The following ALKBH6 variants were observed in gnomAD, a reference collection of about 807,000 sequenced individuals.
ALKBH6 encodes the protein probable RNA/DNA demethylase ALKBH6.
Under a neutral mutation model 25.1 loss-of-function variants are expected in ALKBH6, and 20 were observed. The observed-to-expected ratio is 0.80, with a 90% CI of 0.56 to 1.16. The LOEUF is 1.16. Among genes scored for constraint, ALKBH6 ranks in the 50% most tolerant of loss-of-function variants. The pLI, the probability that ALKBH6 is intolerant of heterozygous loss-of-function variation, is 0.00. For synonymous variants in ALKBH6, 156 were observed against 147.5 expected (o/e 1.06, Z -0.42); for missense variants, 263 against 326.5 (o/e 0.81, Z 1.50).
rs369374215 is a variant in ALKBH6, at chr19:36,009,597, G to A, written c.454-44C>T. On this transcript the variant is annotated intron_variant, in intron 6 of 6. Coordinates refer to ENST00000378875, the MANE Select transcript of ALKBH6 (RefSeq NM_032878.5). ...GTCAGCAGGGCTCAAGAAGTCGGGG[G>A]GTGGGGGTGGGCGAGAGGTCGGTAG... The A allele has an allele frequency of 9.6e-6, 11 of 1,147,098 alleles. No homozygotes were observed. In the African/African-American group the frequency reaches 1.6e-4, roughly 17 times the overall value. The allele number at this position is 1,147,098 out of a possible 1,614,324, so 71.1% of individuals were successfully genotyped here. A position where few individuals can be genotyped will look rare whatever the true frequency, so the allele number is the denominator to read the frequency against.
At chr19:36,011,867 C>T in intron 3 of ALKBH6, 1 of 163,856 alleles carries the variant, frequency 6.1e-6, no homozygotes, top group Non-Finnish European at 1.3e-5. Context: ...GGGCAGATCA[C>T]TTGAGGTCAG....
At position 36,013,662 on chromosome 19, in the gene ALKBH6, A is replaced by G. The variant is rs1313067816; in HGVS notation, c.-25-240T>C. On this transcript the variant is annotated intron_variant, in intron 1 of 6. Transcript: ENST00000378875. The surrounding 1 kb of genome is among the most constrained non-coding windows in gnomAD (Gnocchi z 4.6). Reference sequence around the variant, plus strand: ...ACTCTGTCCACTAAGGGCCCATCCAACTACACATATGCCTTCTCAATCCTC... The same window carrying G: ...ACTCTGTCCACTAAGGGCCCATCCAGCTACACATATGCCTTCTCAATCCTC... The G allele has an allele frequency of 1.7e-5, 23 of 1,362,716 alleles. No individual in the cohort carries two copies. Among genetic ancestry groups the G allele is most frequent in the Admixed American group, 1.6e-4 (5 of 30,852 alleles). 84.4% of individuals were successfully genotyped at this position (1,362,716 alleles called of 1,614,324 possible).
At chr19:36,012,052 C>T (rs1968625105) in intron 3 of ALKBH6, 1 of 152,608 alleles carries the variant, frequency 6.6e-6, no homozygotes, top group African/African-American at 2.4e-5. Context: ...CCAAGCTACT[C>T]AGGAGACTGA....
At position 36,009,159 on chromosome 19, in the gene ALKBH6, G is replaced by T. The variant is rs1039900429; in HGVS notation, c.*131C>A. The T allele has an allele frequency of 1.7e-6, 2 of 1,184,814 alleles. No individual in the cohort carries two copies. The highest frequency in any genetic ancestry group is 3.2e-5 in the African/African-American group (2 of 63,228). The allele number at this position is 1,184,814 out of a possible 1,614,324, so 73.4% of individuals were successfully genotyped here. A position where few individuals can be genotyped will look rare whatever the true frequency, so the allele number is the denominator to read the frequency against. Reference sequence around the variant, plus strand: ...TTTATTTGGTATGGGGTCTTCTGTAGCTCACACAAAATTATTGGGAAAATA... The same window carrying T: ...TTTATTTGGTATGGGGTCTTCTGTATCTCACACAAAATTATTGGGAAAATA... On this transcript the variant is annotated 3_prime_UTR_variant, in exon 7 of 7. Transcript: ENST00000378875.
chr19:36,009,606 G>T, intron 6 of ALKBH6, 53 bp from the exon 7 acceptor site: 5 of 1,101,740 alleles, frequency 4.5e-6, no homozygotes, highest in South Asian at 4.5e-5. Context: ...GGGTGGGGGT[G>T]GGCGAGAGGT....
chr19:36,009,432 A>T lies in ALKBH6; in HGVS notation c.575T>A (p.Leu192Gln). ...ATTGGGCGGCGAGGAGGCGGCGTCC[A>T]GCGCGTCTACGCGGGCGGCGGCGAT... is the stretch of plus-strand genomic sequence containing the variant. ...HGIAAARVDA[L>Q]DAASSPPNAA... Residue 192 changes from leucine (L) to glutamine (Q), a missense_variant, in exon 7 of 7, where the codon CTG (leucine) becomes CAG (glutamine). This residue lies in a region of ALKBH6 where 148 missense variants were observed against 157.5 expected (regional missense o/e 0.94). Coordinates refer to ENST00000378875, the MANE Select transcript of ALKBH6 (RefSeq NM_032878.5). The T allele has an allele frequency of 1.6e-6, 2 of 1,245,454 alleles. No individual in the cohort carries two copies. The highest frequency in any genetic ancestry group is 7.3e-5 in the South Asian group (2 of 27,246). 77.2% of individuals were successfully genotyped at this position (1,245,454 alleles called of 1,614,324 possible).
Position 36,010,856 on chromosome 19 carries a change from T to A in ALKBH6, c.336+38A>T. Reference sequence around the variant, plus strand: ...CCCCTGCCCCAGCACAGCTCAGAAGTCTGAGTGGGGGGACACGGGCCGAGG... The same window carrying A: ...CCCCTGCCCCAGCACAGCTCAGAAGACTGAGTGGGGGGACACGGGCCGAGG... On this transcript the variant is annotated intron_variant, in intron 5 of 6. Transcript: ENST00000378875. The surrounding 1 kb of genome is among the most constrained non-coding windows in gnomAD (Gnocchi z 5.5). The A allele has an allele frequency of 6.2e-7, 1 of 1,610,672 alleles. No individual in the cohort carries two copies.
At chr19:36,009,822 G>A (rs79847376) in intron 6 of ALKBH6, among the ~76,000 whole-genome samples, 3,533 of 152,132 alleles carry the variant, frequency 0.023, 115 homozygotes, top group African/African-American at 0.08. Context: ...GTCAGCGGCC[G>A]GTGGGAGCTG....
chr19:36,010,592 G>A lies in ALKBH6; in HGVS notation c.428C>T (p.Pro143Leu). 1.2e-6 allele frequency: 2 copies of A among 1,613,986 alleles called. No homozygotes were observed. Among genetic ancestry groups the A allele is most frequent in the Non-Finnish European group, 1.7e-6 (2 of 1,179,908 alleles). Residue 143 changes from proline to leucine, a missense_variant, in exon 6 of 7, where the codon CCA (proline) becomes CTA (leucine). By Grantham distance (98) the Pro-to-Leu change is moderately conservative. Around this residue, in one of 3 missense-constraint regions of ALKBH6, gnomAD observed 148 missense variants for 157.5 expected, o/e 0.94. Coordinates refer to ENST00000378875, the MANE Select transcript of ALKBH6 (RefSeq NM_032878.5). This position sits in a 1 kb window ranked among gnomAD's most constrained non-coding sequence, Gnocchi z 5.5. ...CTGTTCTGTAGGGTCATCGTCCTCT[G>A]GCCGCCGCGGCTCGTAGAAGTCCAG... is the stretch of plus-strand genomic sequence containing the variant. Reference protein sequence around the residue: ...TVLDFYEPRRPEDDDPTEQPR... With the variant: ...TVLDFYEPRRLEDDDPTEQPR...
At position 36,009,133 on chromosome 19, in the gene ALKBH6, G is replaced by A. The variant is rs1273530745; in HGVS notation, c.*157C>T. On this transcript the variant is annotated 3_prime_UTR_variant, in exon 7 of 7. Transcript: ENST00000378875. Reference sequence around the variant, plus strand: ...TATAAAACCAAGGAAAGATTTTTTTGTTTATTTGGTATGGGGTCTTCTGTA... The same window carrying A: ...TATAAAACCAAGGAAAGATTTTTTTATTTATTTGGTATGGGGTCTTCTGTA... 2.6e-6 allele frequency: 3 copies of A among 1,172,502 alleles called. No individual in the cohort carries two copies. The highest frequency in any genetic ancestry group is 3.2e-6 in the Non-Finnish European group (3 of 933,774). 72.6% of individuals were successfully genotyped at this position (1,172,502 alleles called of 1,614,324 possible). A position where few individuals can be genotyped will look rare whatever the true frequency, so the allele number is the denominator to read the frequency against.
At position 36,009,295 on chromosome 19, in the gene ALKBH6, T is replaced by A; in HGVS notation, c.712A>T (p.Lys238Ter). 1 of 1,352,554 alleles carries A rather than the reference T, an allele frequency of 7.4e-7. No homozygotes were observed. Among genetic ancestry groups the A allele is most frequent in the Non-Finnish European group, 9.5e-7 (1 of 1,051,090 alleles). 83.8% of individuals were successfully genotyped at this position (1,352,554 alleles called of 1,614,324 possible). ...AGGGGTCCCGGCCCTGGCGGTCACT[T>A]GCCCAGCAGGAGGCCGGCGCGCAGC... ...RVLRAGLLLG[K>*] The change falls in exon 7 of 7, where the codon AAG (lysine) becomes TAG (stop). Residue 238 changes from lysine (K) to a stop codon, truncating the protein, a stop_gained. Coordinates refer to ENST00000378875, the MANE Select transcript of ALKBH6 (RefSeq NM_032878.5). LOFTEE classifies it high-confidence loss of function.
chr19:36,009,899 C>T (rs958591544), intron 6 of ALKBH6, among the ~76,000 whole-genome samples: 1 of 152,052 alleles, frequency 6.6e-6, no homozygotes, highest in South Asian at 2.1e-4. Flanking sequence ...CCAGGAAATA[C>T]AGGCAGAGCT....
Position 36,013,856 on chromosome 19 carries a change from A to C in ALKBH6, c.-26+319T>G. On this transcript the variant is annotated intron_variant, in intron 1 of 6. Transcript: ENST00000378875. This position sits in a 1 kb window ranked among gnomAD's most constrained non-coding sequence, Gnocchi z 4.6. Reference sequence around the variant, plus strand: ...CTCAGCGACCCCCGCCCCCCACCGAATCCCATTCTGTGCACTCCTGTGACC... The same window carrying C: ...CTCAGCGACCCCCGCCCCCCACCGACTCCCATTCTGTGCACTCCTGTGACC... 8 of 1,256,318 alleles carry C rather than the reference A, an allele frequency of 6.4e-6. No homozygotes were observed. Among genetic ancestry groups the C allele is most frequent in the African/African-American group, 3.2e-5 (2 of 63,332 alleles). The allele number at this position is 1,256,318 out of a possible 1,614,324, so 77.8% of individuals were successfully genotyped here.
Position 36,010,601 on chromosome 19 carries a change from G to T in ALKBH6, c.419C>A (p.Pro140Gln). Residue 140 changes from proline (P) to glutamine (Q), a missense_variant, in exon 6 of 7, where the codon CCG becomes CAG. Pro to Gln is a moderately conservative substitution (Grantham distance 76). Transcript: ENST00000378875. This position sits in a 1 kb window ranked among gnomAD's most constrained non-coding sequence, Gnocchi z 5.5. ...GSHTVLDFYE[P>Q]RRPEDDDPTE... ...AGGGTCATCGTCCTCTGGCCGCCGC[G>T]GCTCGTAGAAGTCCAGCACGGTGTG... 1 of 1,613,996 alleles carries T rather than the reference G, an allele frequency of 6.2e-7. No individual in the cohort carries two copies.
rs758815219 is a variant in ALKBH6, at chr19:36,013,104, C to A, written c.55-15G>T. 6.2e-7 allele frequency: 1 copy of A among 1,611,988 alleles called. No homozygotes were observed. On this transcript the variant is annotated splice_polypyrimidine_tract_variant and intron_variant, in intron 2 of 6. Coordinates refer to ENST00000378875, the MANE Select transcript of ALKBH6 (RefSeq NM_032878.5). The surrounding 1 kb of genome is among the most constrained non-coding windows in gnomAD (Gnocchi z 4.6). ...ACAGGTGGTGCCTAGGATAGAAAGA[C>A]CCCCTGAAGGTGTGGCCCTTCAACC...
Position 36,009,484 on chromosome 19 carries a change from G to T in ALKBH6, c.523C>A (p.Pro175Thr), listed in dbSNP as rs1968522124. The T allele has an allele frequency of 8.0e-7, 1 of 1,249,724 alleles. No individual in the cohort carries two copies. Among genetic ancestry groups the T allele is most frequent in the Non-Finnish European group, 1.0e-6 (1 of 998,938 alleles). The allele number at this position is 1,249,724 out of a possible 1,614,324, so 77.4% of individuals were successfully genotyped here. A position where few individuals can be genotyped will look rare whatever the true frequency, so the allele number is the denominator to read the frequency against. ...EPRSLLVLRG[P>T]AYTRLLHGIA... Reference sequence around the variant, plus strand: ...CCGTGGAGAAGACGCGTGTAGGCGGGGCCGCGGAGCACCAGCAGGCTGCGC... The same window carrying T: ...CCGTGGAGAAGACGCGTGTAGGCGGTGCCGCGGAGCACCAGCAGGCTGCGC... The change falls in exon 7 of 7, where the codon CCC becomes ACC. Residue 175 changes from proline to threonine, a missense_variant. This residue lies in a region of ALKBH6 where 148 missense variants were observed against 157.5 expected (regional missense o/e 0.94). Coordinates refer to ENST00000378875, the MANE Select transcript of ALKBH6 (RefSeq NM_032878.5).
chr19:36,009,448 C>A lies in ALKBH6; in HGVS notation c.559G>T (p.Ala187Ser). 2.4e-6 allele frequency: 3 copies of A among 1,245,480 alleles called. No individual in the cohort carries two copies. Among genetic ancestry groups the A allele is most frequent in the South Asian group, 3.7e-5 (1 of 26,752 alleles). The allele number at this position is 1,245,480 out of a possible 1,614,324, so 77.2% of individuals were successfully genotyped here. ...YTRLLHGIAA[A>S]RVDALDAASS... ...GCGGCGTCCAGCGCGTCTACGCGGGCGGCGGCGATGCCGTGGAGAAGACGC... is the reference window on the plus strand; with the variant it reads ...GCGGCGTCCAGCGCGTCTACGCGGGAGGCGGCGATGCCGTGGAGAAGACGC... The change falls in exon 7 of 7, where the codon GCC becomes TCC. Residue 187 changes from alanine (A) to serine (S), a missense_variant. Ala to Ser is a moderately conservative substitution (Grantham distance 99, BLOSUM62 1). This residue lies in a region of ALKBH6 where 148 missense variants were observed against 157.5 expected (regional missense o/e 0.94). Transcript: ENST00000378875.
At chr19:36,011,249 C>T in intron 4 of ALKBH6, 155 bp downstream of exon 4, 1 of 1,138,568 alleles carries the variant, frequency 8.8e-7, no homozygotes. Context: ...ATCCCTAATC[C>T]CTCAGGACCT....
In ALKBH6 at chr19:36,009,512, T is replaced by C. The variant is rs1164425348; in HGVS notation, c.495A>G (p.Glu165=). 1 of 1,253,752 alleles carries C rather than the reference T, an allele frequency of 8.0e-7. No homozygotes were observed. The highest frequency in any genetic ancestry group is 1.5e-5 in the African/African-American group (1 of 64,898). The allele number at this position is 1,253,752 out of a possible 1,614,324, so 77.7% of individuals were successfully genotyped here. A position where few individuals can be genotyped will look rare whatever the true frequency, so the allele number is the denominator to read the frequency against. Residue 165 remains glutamate, a synonymous_variant, in exon 7 of 7, where the codon GAA becomes GAG. Coordinates refer to ENST00000378875, the MANE Select transcript of ALKBH6 (RefSeq NM_032878.5). ...CGCGGAGCACCAGCAGGCTGCGCGG[T>C]TCCAGCAGTAGCGAGGTGGTGGGCC... ...PPRPTTSLLL[E]PRSLLVLRGP...
Sources: allele counts gnomAD v4.1 joint callset (sites outside exome capture counted in the v4.1 genomes callset), GRCh38; gene constraint gnomAD v4.1.1; regional missense constraint gnomAD v4.1.1; non-coding constraint Gnocchi (gnomAD v3.1); transcripts MANE v1.5; gene names NCBI Gene and HGNC (gene_info 2026-07-23, HGNC 2026-07-21).